Variants in RANBP17 observed in about 807,000 individuals in gnomAD.
The protein encoded by RANBP17 is ran-binding protein 17.
In RANBP17, 158 loss-of-function variants were observed where a neutral mutation model predicts 141.2. The observed-to-expected ratio is 1.12, with a 90% CI of 0.98 to 1.28. The LOEUF (loss-of-function observed/expected upper bound fraction) is 1.28, where lower values mean the gene tolerates loss of function less well. RANBP17 is among the 50% of genes most tolerant of loss of function. The pLI is 0.00. For synonymous variants in RANBP17, 430 were observed against 450.0 expected, an observed-to-expected ratio of 0.96 and a Z score of 0.56; for missense variants, 1,438 against 1,290.7, an observed-to-expected ratio of 1.11 and a Z score of -1.75.
intron 23 of RANBP17, among the ~76,000 whole-genome samples, chr5:171,242,302 G>A (rs77974691): frequency 0.038 from 5,792 of 152,008 alleles, 346 homozygotes; most frequent in African/African-American, 0.12. Context: ...ACAGACTATG[G>A]TGCCAAATCC....
rs1386080616 is a variant in RANBP17, at chr5:171,162,161, A to G, written c.1711-7969A>G. Among the ~76,000 whole-genome samples the G allele has an allele frequency of 2.0e-5, 3 of 152,188 alleles. No homozygotes were observed. The East Asian group carries it at 5.8e-4, about 29-fold the overall frequency. On this transcript the variant is annotated intron_variant, in intron 14 of 27. Transcript: ENST00000523189. ...TTTTGAATGGGCTTGGGGAGATAATATATTTACCCAGGGCTTTACCATGGC... is the reference window on the plus strand; with the variant it reads ...TTTTGAATGGGCTTGGGGAGATAATGTATTTACCCAGGGCTTTACCATGGC...
At position 171,150,152 on chromosome 5, in the gene RANBP17, A is replaced by C. The variant is rs117452987; in HGVS notation, c.1711-19978A>C. On this transcript the variant is annotated intron_variant, in intron 14 of 27. Coordinates refer to ENST00000523189, the MANE Select transcript of RANBP17 (RefSeq NM_022897.5). ...GTTAAAATCTTTGAAAGTAGTTGGG[A>C]ATTTTTCACAGTAAGCTGGGAATCT... 8.5e-5 allele frequency among the ~76,000 whole-genome samples: 13 copies of C among 152,260 alleles called. No individual in the cohort carries two copies. The East Asian group carries it at 2.5e-3, about 29-fold the overall frequency.
chr5:171,121,515 G>A (rs933630242), intron 14 of RANBP17, among the ~76,000 whole-genome samples: 1 of 152,200 alleles, frequency 6.6e-6, no homozygotes, highest in Non-Finnish European at 1.5e-5. Flanking sequence ...TGGCTGATTC[G>A]CTGTTCTGCT....
chr5:170,998,776 G>C (rs1330951816), intron 14 of RANBP17, among the ~76,000 whole-genome samples: 2 of 152,008 alleles, frequency 1.3e-5, no homozygotes, highest in African/African-American at 2.4e-5. Context: ...AGTTCTTAGG[G>C]CTGTGATTTT....
At position 171,299,539 on chromosome 5, in the gene RANBP17, A is replaced by G; in HGVS notation, c.*681A>G. On this transcript the variant is annotated 3_prime_UTR_variant, in exon 28 of 28. Coordinates refer to ENST00000523189, the MANE Select transcript of RANBP17 (RefSeq NM_022897.5). ...CTGTGCAATTACTGCCTGCAGAGATATTTCTTCAGGAGGAGTCATGTAGCC... is the reference window on the plus strand; with the variant it reads ...CTGTGCAATTACTGCCTGCAGAGATGTTTCTTCAGGAGGAGTCATGTAGCC... 1 of 232,286 alleles carries G rather than the reference A, an allele frequency of 4.3e-6. No homozygotes were observed. Among genetic ancestry groups the G allele is most frequent in the Non-Finnish European group, 8.5e-6 (1 of 117,210 alleles). 14.4% of individuals were successfully genotyped at this position (232,286 alleles called of 1,614,324 possible). A position where few individuals can be genotyped will look rare whatever the true frequency, so the allele number is the denominator to read the frequency against.
intron 14 of RANBP17, among the ~76,000 whole-genome samples, chr5:171,038,752 G>A (rs1782049450): frequency 6.6e-6 from 1 of 152,030 alleles, no homozygotes; most frequent in Non-Finnish European, 1.5e-5. Flanking sequence ...TGTTTACATG[G>A]TGAATCATAT....
In RANBP17 at chr5:170,911,094, T is replaced by C; in HGVS notation, c.720T>C (p.Asp240=). ...GCAGTTCAGCAGATGAATCTGCAGA[T>C]GATCTTTGCACGGTGCAGATTCCAA... ...FIGSSADESA[D]DLCTVQIPTT... The change falls in exon 7 of 28, where the codon GAT becomes GAC. Residue 240 remains aspartate (D), a synonymous_variant. Coordinates refer to ENST00000523189, the MANE Select transcript of RANBP17 (RefSeq NM_022897.5). 2 of 1,611,822 alleles carry C rather than the reference T, an allele frequency of 1.2e-6. No individual in the cohort carries two copies. The highest frequency in any genetic ancestry group is 8.5e-7 in the Non-Finnish European group (1 of 1,178,534).
At chr5:170,929,903 C>T (rs1252097248) in intron 12 of RANBP17, among the ~76,000 whole-genome samples, 18 of 151,904 alleles carry the variant, frequency 1.2e-4, no homozygotes, top group Non-Finnish European at 2.4e-4. Flanking sequence ...TTTCTGTTTC[C>T]CTTGGGGTCA....
intron 13 of RANBP17, 78 bp from the exon 14 acceptor site, chr5:170,968,164 C>T: frequency 2.9e-6 from 3 of 1,018,080 alleles, no homozygotes; most frequent in African/African-American, 1.6e-5. Context: ...TGTTATATTA[C>T]ATTTATGGTA....
intron 16 of RANBP17, among the ~76,000 whole-genome samples, chr5:171,176,090 T>A (rs995882325): frequency 4.6e-5 from 7 of 152,144 alleles, no homozygotes; most frequent in Non-Finnish European, 5.9e-5. Flanking sequence ...TTCCTTCCAT[T>A]TGGCCTCAGA....
At chr5:170,940,537 TAC>T (rs1774243483) in intron 12 of RANBP17, among the ~76,000 whole-genome samples, 1 of 152,116 alleles carries the variant, frequency 6.6e-6, no homozygotes, top group Non-Finnish European at 1.5e-5. Context: ...AGATCAGGGG[TAC>T]TCAACCTGTA....
chr5:171,187,750 A>T (rs1194775571), intron 18 of RANBP17, among the ~76,000 whole-genome samples: 2 of 152,292 alleles, frequency 1.3e-5, no homozygotes, highest in East Asian at 3.9e-4. Flanking sequence ...TAGGATGGGT[A>T]CTTAAGCTTC....
intron 14 of RANBP17, among the ~76,000 whole-genome samples, chr5:171,062,201 TATG>T (rs1783928369): frequency 6.6e-6 from 1 of 152,036 alleles, no homozygotes; most frequent in South Asian, 2.1e-4. Flanking sequence ...ATCCTGTCAT[TATG>T]ATGTTAGCTG....
intron 12 of RANBP17, among the ~76,000 whole-genome samples, chr5:170,927,062 G>A (rs920087022): frequency 6.6e-6 from 1 of 152,046 alleles, no homozygotes; most frequent in African/African-American, 2.4e-5. Context: ...CCTGTTAAAA[G>A]TATTCCTGTA....
chr5:171,192,800 G>T (rs115865415), intron 18 of RANBP17, among the ~76,000 whole-genome samples: 2,845 of 152,190 alleles, frequency 0.019, 78 homozygotes, highest in African/African-American at 0.064. Flanking sequence ...TTTTCCTGTG[G>T]AAGTAAGATC....
chr5:171,226,332 T>C (rs1309319282), intron 22 of RANBP17, among the ~76,000 whole-genome samples: 5 of 152,086 alleles, frequency 3.3e-5, no homozygotes, highest in African/African-American at 4.8e-5. Flanking sequence ...AAGGGAGAAA[T>C]AATGATTGTT....
intron 22 of RANBP17, among the ~76,000 whole-genome samples, chr5:171,228,932 GA>G (rs1052734862): frequency 9.5e-5 from 14 of 147,802 alleles, no homozygotes; most frequent in East Asian, 2.0e-4. Context: ...TGAGAAACCA[GA>G]AAAAAAAAAG....
In RANBP17 at chr5:170,995,782, C is replaced by T. The variant is rs1233788710; in HGVS notation, c.1710+27405C>T. Among the ~76,000 whole-genome samples, 3 of 152,186 alleles carry T rather than the reference C, an allele frequency of 2.0e-5. No homozygotes were observed. The East Asian group carries it at 5.8e-4, about 29-fold the overall frequency. ...ACATGATTGATGTTTTGCATATAAT[C>T]TTACATTTAAAAGGGAGGGGGTGAA... On this transcript the variant is annotated intron_variant, in intron 14 of 27. Coordinates refer to ENST00000523189, the MANE Select transcript of RANBP17 (RefSeq NM_022897.5).
At chr5:170,947,775 C>A (rs1381338425) in intron 12 of RANBP17, among the ~76,000 whole-genome samples, 2 of 152,010 alleles carry the variant, frequency 1.3e-5, no homozygotes, top group Non-Finnish European at 2.9e-5. Context: ...TAGTTCGGGC[C>A]TCCTAATAGT....
Sources: gnomAD v4.1 joint callset for allele counts (sites outside exome capture counted in the v4.1 genomes callset) on GRCh38, gnomAD v4.1.1 for gene constraint, MANE v1.5 for transcripts, NCBI Gene and HGNC (gene_info 2026-07-23, HGNC 2026-07-21) for gene names.